Variants in PSD3 observed in about 807,000 individuals in gnomAD.
PSD3 encodes pleckstrin and Sec7 domain containing 3, also known as PH and SEC7 domain-containing protein 3.
Under a neutral mutation model 105.5 loss-of-function variants are expected in PSD3, and 49 were observed. The observed-to-expected ratio is 0.46, with a 90% confidence interval of 0.37 to 0.59. PSD3 has a LOEUF of 0.59. PSD3 is among the 20% of genes least tolerant of loss of function. The pLI, the probability that PSD3 is intolerant of heterozygous loss-of-function variation, is 0.00. For synonymous variants in PSD3, 557 were observed against 457.8 expected, an observed-to-expected ratio of 1.22 and a Z score of -2.77; for missense variants, 1,561 against 1,263.8, an observed-to-expected ratio of 1.24 and a Z score of -3.57.
At chr8:18,925,353 T>A (rs1412542269) in intron 2 of PSD3, among the ~76,000 whole-genome samples, 1 of 151,974 alleles carries the variant, frequency 6.6e-6, no homozygotes, top group African/African-American at 2.4e-5. Context: ...TATGCTATGA[T>A]TGTGCTACCA....
intron 13 of PSD3, among the ~76,000 whole-genome samples, chr8:18,573,132 G>A (rs1042379976): frequency 5.3e-5 from 8 of 152,094 alleles, no homozygotes; most frequent in Non-Finnish European, 8.8e-5. Context: ...TGTATCATAC[G>A]TCCCAGCAAT....
intron 2 of PSD3, among the ~76,000 whole-genome samples, chr8:18,932,692 A>T (rs1245569294): frequency 1.3e-5 from 2 of 152,214 alleles, no homozygotes; most frequent in Admixed American, 1.3e-4. Context: ...AAACTCTTCA[A>T]CTTGCCTTAG....
intron 9 of PSD3, among the ~76,000 whole-genome samples, chr8:18,711,171 C>A (rs1409734986): frequency 1.3e-5 from 2 of 152,116 alleles, no homozygotes; most frequent in African/African-American, 4.8e-5. Flanking sequence ...TGGTTACCAG[C>A]CACTACAAAA....
chr8:18,654,744 C>T (rs986104195), intron 10 of PSD3, among the ~76,000 whole-genome samples: 1 of 152,138 alleles, frequency 6.6e-6, no homozygotes, highest in African/African-American at 2.4e-5. Context: ...GGATAAGCTC[C>T]TAGAAGTTCT....
chr8:18,862,672 C>T (rs721629), intron 4 of PSD3, among the ~76,000 whole-genome samples: 1 of 151,214 alleles, frequency 6.6e-6, no homozygotes, highest in Non-Finnish European at 1.5e-5. Flanking sequence ...TTAAATTATT[C>T]TTTTAATATT....
In PSD3 at chr8:19,036,633, G is replaced by A. The variant is rs564485140; in HGVS notation, c.324+47573C>T. ...ATGGGCTGGACTCCATCTGGATTGT[G>A]GTAGGGTTATGTGGCTTGGGTTGGA... is the stretch of plus-strand genomic sequence containing the variant. On this transcript the variant is annotated intron_variant, in intron 1 of 1. Coordinates refer to the PSD3 transcript ENST00000521475. Among the ~76,000 whole-genome samples the A allele has an allele frequency of 1.5e-4, 23 of 152,242 alleles. No homozygotes were observed. The South Asian group carries it at 3.1e-3, about 21-fold the overall frequency.
intron 9 of PSD3, among the ~76,000 whole-genome samples, chr8:18,739,697 T>C (rs1312264672): frequency 6.6e-6 from 1 of 152,184 alleles, no homozygotes; most frequent in Non-Finnish European, 1.5e-5. Context: ...CTTATCATTG[T>C]ATATATTTGA....
chr8:19,080,946 T>C (rs996235615), intron 1 of PSD3, among the ~76,000 whole-genome samples: 24 of 152,180 alleles, frequency 1.6e-4, no homozygotes, highest in Non-Finnish European at 2.6e-4. Context: ...TGTGGAAATG[T>C]CCCGAAACGA....
At chr8:18,835,782 C>T (rs566884271) in intron 4 of PSD3, among the ~76,000 whole-genome samples, 4 of 152,148 alleles carry the variant, frequency 2.6e-5, no homozygotes, top group Non-Finnish European at 4.4e-5. Context: ...GCATGCCCGG[C>T]GTGCTCAGAA....
intron 1 of PSD3, among the ~76,000 whole-genome samples, chr8:19,038,810 T>C (rs1828030925): frequency 6.6e-6 from 1 of 152,240 alleles, no homozygotes; most frequent in Non-Finnish European, 1.5e-5. Context: ...AGTTATTATG[T>C]GTTAGACACT....
At chr8:18,546,101 C>T (rs1476147132) in intron 15 of PSD3, among the ~76,000 whole-genome samples, 2 of 152,192 alleles carry the variant, frequency 1.3e-5, no homozygotes, top group South Asian at 2.1e-4. Flanking sequence ...CCCAGGTTCA[C>T]GCAATTCTCC....
At chr8:18,754,201 T>A (rs961125649) in intron 9 of PSD3, among the ~76,000 whole-genome samples, 1 of 152,112 alleles carries the variant, frequency 6.6e-6, no homozygotes, top group African/African-American at 2.4e-5. Context: ...CTGACCAATA[T>A]GGTGAAACCC....
intron 15 of PSD3, among the ~76,000 whole-genome samples, chr8:18,549,838 G>A (rs1800659753): frequency 6.6e-6 from 1 of 152,152 alleles, no homozygotes; most frequent in African/African-American, 2.4e-5. Context: ...CTTTGTGAAG[G>A]TGACATAATC....
chr8:18,925,121 C>T (rs1381044929), intron 2 of PSD3, among the ~76,000 whole-genome samples: 1 of 152,146 alleles, frequency 6.6e-6, no homozygotes, highest in Non-Finnish European at 1.5e-5. Context: ...GTGCTTTCAA[C>T]TCAATCATAA....
intron 11 of PSD3, among the ~76,000 whole-genome samples, chr8:18,608,941 T>C (rs907049157): frequency 2.6e-5 from 4 of 152,210 alleles, no homozygotes; most frequent in Non-Finnish European, 5.9e-5. Context: ...TACATCAAAA[T>C]CTTGTCCTGT....
chr8:18,690,052 C>T (rs1365783816), intron 9 of PSD3, among the ~76,000 whole-genome samples: 1 of 152,116 alleles, frequency 6.6e-6, no homozygotes, highest in African/African-American at 2.4e-5. Context: ...TCCACGAACA[C>T]ATATCTCTTC....
intron 9 of PSD3, among the ~76,000 whole-genome samples, 177 bp downstream of exon 9, chr8:18,765,272 C>T (rs770547453): frequency 2.0e-5 from 3 of 152,150 alleles, no homozygotes; most frequent in African/African-American, 7.2e-5. Context: ...TAGAAATTAT[C>T]AACTTAAGGT....
intron 1 of PSD3, among the ~76,000 whole-genome samples, chr8:18,978,719 CAGAGCACTGCTTT>C (rs1825088495): frequency 6.6e-6 from 1 of 152,180 alleles, no homozygotes; most frequent in Non-Finnish European, 1.5e-5. Flanking sequence ...GACACTGCTT[CAGAGCACTGCTTT>C]ATTGGTACCA....
chr8:18,644,951 T>C (rs1389165353), intron 10 of PSD3, among the ~76,000 whole-genome samples: 2 of 152,212 alleles, frequency 1.3e-5, no homozygotes, highest in South Asian at 4.1e-4. Flanking sequence ...TGGGGTCTTC[T>C]CTAACCCCCA....
Sources: gnomAD v4.1 joint callset for allele counts (sites outside exome capture counted in the v4.1 genomes callset) on GRCh38, gnomAD v4.1.1 for gene constraint, MANE v1.5 for transcripts, NCBI Gene and HGNC (gene_info 2026-07-23, HGNC 2026-07-21) for gene names.